The following TNFAIP8 variants were observed in gnomAD, a reference collection of about 807,000 sequenced individuals.
The protein encoded by TNFAIP8 is tumor necrosis factor alpha-induced protein 8.
A neutral mutation model predicts 13.3 loss-of-function variants in TNFAIP8; 7 were observed. The observed-to-expected ratio is 0.52, with a 90% CI of 0.30 to 0.99. TNFAIP8 has a LOEUF of 0.99. Ranked by LOEUF, TNFAIP8 falls within the 50% of genes least tolerant of loss-of-function variation. The probability of loss-of-function intolerance (pLI) is 0.07; values close to 1 mark genes in which losing one functional copy is unlikely to be tolerated. For synonymous variants in TNFAIP8, 94 were observed against 87.6 expected (o/e 1.07, Z -0.41); for missense variants, 258 against 236.9 (o/e 1.09, Z -0.58).
chr5:119,329,282 A>G (rs1750306879), intron 1 of TNFAIP8, among the ~76,000 whole-genome samples: 1 of 152,238 alleles, frequency 6.6e-6, no homozygotes, highest in Admixed American at 6.5e-5. Flanking sequence ...TTTTTACACA[A>G]TTTATACTTA....
At chr5:119,289,726 A>G (rs1419534242) in intron 1 of TNFAIP8, among the ~76,000 whole-genome samples, 2 of 152,102 alleles carry the variant, frequency 1.3e-5, no homozygotes, top group African/African-American at 4.8e-5. Flanking sequence ...CACCTCTGAC[A>G]CTTTGAAGCT....
intron 1 of TNFAIP8, among the ~76,000 whole-genome samples, chr5:119,305,100 G>A (rs1749511179): frequency 6.6e-6 from 1 of 152,108 alleles, no homozygotes; most frequent in African/African-American, 2.4e-5. Context: ...AGATTCCAGT[G>A]CTGTGAACTC....
chr5:119,326,944 C>A (rs764251352), intron 1 of TNFAIP8, among the ~76,000 whole-genome samples: 1 of 152,142 alleles, frequency 6.6e-6, no homozygotes, highest in Non-Finnish European at 1.5e-5. Context: ...AATTAGTGAG[C>A]CTCTTCCAGA....
chr5:119,342,354 T>C (rs1165512124), intron 1 of TNFAIP8, among the ~76,000 whole-genome samples: 1 of 152,242 alleles, frequency 6.6e-6, no homozygotes, highest in Non-Finnish European at 1.5e-5. Flanking sequence ...ATTTGCATTA[T>C]TCAGACCCAT....
chr5:119,384,929 C>T (rs767900138), intron 1 of TNFAIP8, among the ~76,000 whole-genome samples: 1 of 152,084 alleles, frequency 6.6e-6, no homozygotes, highest in East Asian at 1.9e-4. Flanking sequence ...TTTTCAAAAT[C>T]GTCATAAAAC....
At chr5:119,385,972 C>A (rs554613825) in intron 1 of TNFAIP8, among the ~76,000 whole-genome samples, 28 of 152,264 alleles carry the variant, frequency 1.8e-4, no homozygotes, top group African/African-American at 6.3e-4. Context: ...ATGAGGAAGC[C>A]GAGTACCAGT....
At chr5:119,392,383 T>G (rs1206912878) in intron 1 of TNFAIP8, among the ~76,000 whole-genome samples, 1 of 114,112 alleles carries the variant, frequency 8.8e-6, no homozygotes, top group Non-Finnish European at 1.7e-5. Context: ...GGTATAGAGT[T>G]GATTTTGTAT....
At chr5:119,381,096 C>T (rs1562030792) in intron 1 of TNFAIP8, among the ~76,000 whole-genome samples, 1 of 152,206 alleles carries the variant, frequency 6.6e-6, no homozygotes, top group African/African-American at 2.4e-5. Flanking sequence ...TGCTGGCTCT[C>T]AGACTGCAAT....
intron 1 of TNFAIP8, among the ~76,000 whole-genome samples, chr5:119,373,669 G>A (rs1375385200): frequency 2.0e-5 from 3 of 152,250 alleles, no homozygotes; most frequent in African/African-American, 7.2e-5. Flanking sequence ...AGCTTTGGAA[G>A]ACTGGACGTG....
intron 1 of TNFAIP8, among the ~76,000 whole-genome samples, chr5:119,303,502 C>A (rs1251035755): frequency 6.6e-6 from 1 of 152,126 alleles, no homozygotes; most frequent in South Asian, 2.1e-4. Flanking sequence ...TGACTTGCAC[C>A]TCAGAGCTCT....
chr5:119,378,564 G>A (rs1259204496), intron 1 of TNFAIP8, among the ~76,000 whole-genome samples: 1 of 152,172 alleles, frequency 6.6e-6, no homozygotes, highest in Non-Finnish European at 1.5e-5. Context: ...CTGAGGCCAA[G>A]AGGTTACTGC....
At chr5:119,340,199 C>T (rs974053436) in intron 1 of TNFAIP8, among the ~76,000 whole-genome samples, 2 of 152,200 alleles carry the variant, frequency 1.3e-5, no homozygotes, top group Non-Finnish European at 2.9e-5. Context: ...ACAGCGTTGT[C>T]CCTAGCCAGC....
intron 1 of TNFAIP8, among the ~76,000 whole-genome samples, chr5:119,332,794 C>A (rs1243050959): frequency 6.6e-6 from 1 of 152,134 alleles, no homozygotes; most frequent in South Asian, 2.1e-4. Flanking sequence ...AATAAACAGG[C>A]TCCTAAAGAA....
intron 1 of TNFAIP8, among the ~76,000 whole-genome samples, chr5:119,311,688 C>CAAAAAAAAAAAAAAAAAAAAAAAAA (rs55965350): frequency 1.5e-5 from 1 of 66,684 alleles, no homozygotes; most frequent in African/African-American, 6.5e-5. Flanking sequence ...GACTCCGTCT[C>CAAAAAAAAAAAAAAAAAAAAAAAAA]AAAAAAAAAA....
intron 1 of TNFAIP8, among the ~76,000 whole-genome samples, chr5:119,328,339 CA>C (rs11421168): frequency 2.0e-5 from 3 of 151,660 alleles, no homozygotes; most frequent in South Asian, 2.1e-4. Context: ...ACTTACTTCG[CA>C]AAAAAAATTT....
At chr5:119,367,794 G>A (rs982968590) in intron 1 of TNFAIP8, among the ~76,000 whole-genome samples, 3 of 152,100 alleles carry the variant, frequency 2.0e-5, no homozygotes, top group Non-Finnish European at 4.4e-5. Context: ...ATTTCAACAT[G>A]TCTGATGAGT....
chr5:119,396,890 AG>A lies in TNFAIP8; in HGVS notation c.*3511del, dbSNP rs1337351349. On this transcript the variant is annotated 3_prime_UTR_variant, in exon 2 of 2. Coordinates refer to ENST00000504771, the MANE Select transcript of TNFAIP8 (RefSeq NM_014350.4). ...GCACCTGTAATCCCAGCTACTTGGG[AG>A]GCTAAGGCAGGAGAATCGCTGGAAC... is the stretch of plus-strand genomic sequence containing the variant. 8 of 147,176 alleles carry A rather than the reference AG, an allele frequency of 5.4e-5. No individual in the cohort carries two copies. Among genetic ancestry groups the A allele is most frequent in the Admixed American group, 6.9e-5 (1 of 14,428 alleles). The allele number at this position is 147,176 out of a possible 1,614,324, so 9.1% of individuals were successfully genotyped here. A position where few individuals can be genotyped will look rare whatever the true frequency, so the allele number is the denominator to read the frequency against.
At chr5:119,307,797 T>TTGGACA (rs1342471403) in intron 1 of TNFAIP8, among the ~76,000 whole-genome samples, 2 of 152,234 alleles carry the variant, frequency 1.3e-5, no homozygotes, top group Non-Finnish European at 2.9e-5. Context: ...CCTTCAAGAT[T>TTGGACA]TATTTGGAAA....
chr5:119,382,025 T>C (rs896133288), intron 1 of TNFAIP8, among the ~76,000 whole-genome samples: 1 of 152,232 alleles, frequency 6.6e-6, no homozygotes, highest in African/African-American at 2.4e-5. Context: ...CTAAAATTCA[T>C]AGGAGACACA....
Sources: gnomAD v4.1 joint callset for allele counts (sites outside exome capture counted in the v4.1 genomes callset) on GRCh38, gnomAD v4.1.1 for gene constraint, MANE v1.5 for transcripts, NCBI Gene and HGNC (gene_info 2026-07-23, HGNC 2026-07-21) for gene names.